The following PDCD2L variants were observed in gnomAD, a reference collection of about 807,000 sequenced individuals.
The protein encoded by PDCD2L is uS5 assembly chaperone PDCD2L.
A neutral mutation model predicts 40.4 loss-of-function variants in PDCD2L; 44 were observed. That is an observed-to-expected ratio of 1.09 (90% CI 0.86 to 1.40). The LOEUF is 1.40. PDCD2L is among the 40% of genes most tolerant of loss of function. The pLI is 0.00. For synonymous variants in PDCD2L, 194 were observed against 174.6 expected (o/e 1.11, Z -0.88); for missense variants, 470 against 453.7 (o/e 1.04, Z -0.33).
At chr19:34,419,824 G>T (rs551298664) in intron 5 of PDCD2L, among the ~76,000 whole-genome samples, 12 of 66,202 alleles carry the variant, frequency 1.8e-4, no homozygotes, top group East Asian at 5.3e-4. Context: ...TGTTGCTTGC[G>T]TAGGCTGGAA....
Position 34,413,833 on chromosome 19 carries a change from G to A in PDCD2L, c.783G>A (p.Gln261=). 1 of 1,593,046 alleles carries A rather than the reference G, an allele frequency of 6.3e-7. No individual in the cohort carries two copies. Among genetic ancestry groups the A allele is most frequent in the Non-Finnish European group, 8.6e-7 (1 of 1,164,018 alleles). Residue 261 remains glutamine, a synonymous_variant, in exon 5 of 7, where the codon CAG becomes CAA. Transcript: ENST00000246535. The stretch of plus-strand genomic sequence containing the variant: ...TCATGAAGCGAATTGCTGCTTGTCA[G>A]GAGCAGATTTTGAGGTAAAAAAAGG... The part of the protein sequence containing the change: ...YKFMKRIAAC[Q]EQILRYSWSG...
intron 5 of PDCD2L, among the ~76,000 whole-genome samples, chr19:34,416,519 G>A (rs1256049209): frequency 6.6e-6 from 1 of 152,140 alleles, no homozygotes; most frequent in Non-Finnish European, 1.5e-5. Flanking sequence ...TTCTAATAAA[G>A]ATTGCATCCA....
chr19:34,423,381 CTGT>C (rs1296151249), intron 6 of PDCD2L, among the ~76,000 whole-genome samples: 1 of 151,120 alleles, frequency 6.6e-6, no homozygotes, highest in Non-Finnish European at 1.5e-5. Context: ...ACAGGTTTCA[CTGT>C]TGTTGGCCAG....
intron 3 of PDCD2L, 110 bp from the exon 4 acceptor site, chr19:34,409,051 G>T: frequency 2.3e-6 from 2 of 884,280 alleles, no homozygotes; most frequent in Non-Finnish European, 1.8e-6. Context: ...AGGGGAAGGG[G>T]ATGGTGTGAA....
chr19:34,416,408 A>G (rs1411660345), intron 5 of PDCD2L, among the ~76,000 whole-genome samples: 3 of 152,158 alleles, frequency 2.0e-5, no homozygotes, highest in Non-Finnish European at 4.4e-5. Context: ...AGTCAGAGCA[A>G]TGATTGGAAA....
intron 6 of PDCD2L, among the ~76,000 whole-genome samples, chr19:34,423,463 CATGA>C (rs1056486159): frequency 6.6e-6 from 1 of 150,544 alleles, no homozygotes; most frequent in African/African-American, 2.4e-5. Context: ...GGATTATAGG[CATGA>C]GCCACCGTGC....
intron 4 of PDCD2L, among the ~76,000 whole-genome samples, chr19:34,411,915 A>G (rs1006221048): frequency 1.3e-5 from 2 of 149,656 alleles, no homozygotes; most frequent in African/African-American, 4.9e-5. Flanking sequence ...TTGGCCTCCC[A>G]AAGTGCTGGG....
chr19:34,416,241 T>A (rs2145466826), intron 5 of PDCD2L, among the ~76,000 whole-genome samples: 1 of 152,198 alleles, frequency 6.6e-6, no homozygotes, highest in African/African-American at 2.4e-5. Context: ...CAGTTAATAA[T>A]ATTATGTCTG....
At chr19:34,407,000 C>A (rs890307418) in intron 3 of PDCD2L, among the ~76,000 whole-genome samples, 4 of 151,892 alleles carry the variant, frequency 2.6e-5, no homozygotes, top group African/African-American at 9.7e-5. Flanking sequence ...CCACGCCCAG[C>A]TAATTTTTAT....
rs368932310 is a variant in PDCD2L, at chr19:34,406,508, G to A, written c.336+1518G>A. ...TCACACCATTCTGCCTCAGCCTCCA[G>A]AGTAGCTGGGACCACAGGCGCCCGC... On this transcript the variant is annotated intron_variant, in intron 3 of 6. Coordinates refer to ENST00000246535, the MANE Select transcript of PDCD2L (RefSeq NM_032346.2). Among the ~76,000 whole-genome samples the A allele has an allele frequency of 3.4e-4, 51 of 151,574 alleles. 1 individual carries two copies. In the South Asian group the frequency reaches 0.01, roughly 31 times the overall value.
chr19:34,417,884 A>G (rs1360053830), intron 5 of PDCD2L, among the ~76,000 whole-genome samples: 1 of 152,228 alleles, frequency 6.6e-6, no homozygotes, highest in African/African-American at 2.4e-5. Flanking sequence ...TGCAAATACT[A>G]AAATACAGGG....
At chr19:34,404,585 T>A (rs1412361451) in intron 1 of PDCD2L, 47 bp downstream of exon 1, 1 of 1,583,434 alleles carries the variant, frequency 6.3e-7, no homozygotes, top group South Asian at 1.1e-5. Flanking sequence ...TGCTGAAGGG[T>A]GCGGAGGGAG....
At chr19:34,425,428 G>A (rs990590271) in intron 6 of PDCD2L, among the ~76,000 whole-genome samples, 2 of 150,220 alleles carry the variant, frequency 1.3e-5, no homozygotes, top group African/African-American at 4.9e-5. Context: ...AGTCTCCTCT[G>A]AGTAGCTGGG....
At chr19:34,414,619 G>C (rs924890844) in intron 5 of PDCD2L, among the ~76,000 whole-genome samples, 8 of 150,192 alleles carry the variant, frequency 5.3e-5, no homozygotes, top group African/African-American at 2.0e-4. Context: ...CTCCCAAGTA[G>C]CTGGGACTAC....
At chr19:34,425,632 G>T (rs1309827530) in intron 6 of PDCD2L, among the ~76,000 whole-genome samples, 1 of 152,070 alleles carries the variant, frequency 6.6e-6, no homozygotes, top group Non-Finnish European at 1.5e-5. Flanking sequence ...CTCCCAAAGT[G>T]CAGGGATCAC....
intron 6 of PDCD2L, among the ~76,000 whole-genome samples, chr19:34,423,350 T>G (rs951689099): frequency 6.7e-6 from 1 of 150,346 alleles, no homozygotes; most frequent in Non-Finnish European, 1.5e-5. Context: ...ACCCAGCTAA[T>G]TTTTTATATT....
intron 5 of PDCD2L, 125 bp from the exon 6 acceptor site, chr19:34,421,394 T>C (rs2075150022): frequency 9.6e-7 from 1 of 1,045,664 alleles, no homozygotes; most frequent in Admixed American, 2.1e-5. Flanking sequence ...ACAGCCATGG[T>C]GCTAGGTTTT....
At chr19:34,418,660 T>TAA (rs1245710516) in intron 5 of PDCD2L, among the ~76,000 whole-genome samples, 1 of 152,254 alleles carries the variant, frequency 6.6e-6, no homozygotes, top group African/African-American at 2.4e-5. Flanking sequence ...GGTTGTATTA[T>TAA]ATGGGATATG....
At chr19:34,411,302 C>T (rs1478132175) in intron 4 of PDCD2L, among the ~76,000 whole-genome samples, 23 of 147,568 alleles carry the variant, frequency 1.6e-4, no homozygotes, top group Non-Finnish European at 3.1e-4. Flanking sequence ...TGCAGTGGCA[C>T]GTTCTCGGCT....
Sources: gnomAD v4.1 joint callset for allele counts (sites outside exome capture counted in the v4.1 genomes callset) on GRCh38, gnomAD v4.1.1 for gene constraint, MANE v1.5 for transcripts, NCBI Gene and HGNC (gene_info 2026-07-23, HGNC 2026-07-21) for gene names.